Variants in ATAD3A observed in about 807,000 individuals in gnomAD.
ATAD3A encodes ATPase family AAA domain containing 3A, also known as ATPase family AAA domain-containing protein 3A.
A neutral mutation model predicts 73.8 loss-of-function variants in ATAD3A; 46 were observed. The ratio of observed to expected loss-of-function variants is 0.62; its 90% CI spans 0.49 to 0.80. The LOEUF (loss-of-function observed/expected upper bound fraction) is 0.80. Ranked by LOEUF, ATAD3A falls within the 30% of genes least tolerant of loss-of-function variation. The pLI, the probability that ATAD3A is intolerant of heterozygous loss-of-function variation, is 0.00. For missense variants in ATAD3A, 705 were observed against 838.0 expected, an observed-to-expected ratio of 0.84 and a Z score of 1.96; for synonymous variants, 319 against 350.0, an observed-to-expected ratio of 0.91 and a Z score of 0.99.
chr1:1,532,707 C>T (rs1204392048), intron 15 of ATAD3A, among the ~76,000 whole-genome samples: 1 of 152,186 alleles, frequency 6.6e-6, no homozygotes, highest in Non-Finnish European at 1.5e-5. Context: ...TCGGGTGGAC[C>T]CTGAGGGTCC....
intron 13 of ATAD3A, chr1:1,527,089 C>T: frequency 1.8e-6 from 2 of 1,122,948 alleles, no homozygotes; most frequent in East Asian, 5.9e-5. Flanking sequence ...GGTGACCGCC[C>T]CATGGCCAGG....
At chr1:1,529,123 G>T in intron 14 of ATAD3A, 100 bp from the exon 15 acceptor site, 1 of 1,527,012 alleles carries the variant, frequency 6.5e-7, no homozygotes, top group Non-Finnish European at 8.9e-7. Flanking sequence ...CAAAGAGGAT[G>T]TTTGGCGTGG....
chr1:1,526,321 G>C, intron 12 of ATAD3A, 140 bp from the exon 13 acceptor site: 1 of 1,520,504 alleles, frequency 6.6e-7, no homozygotes, highest in South Asian at 1.3e-5. Flanking sequence ...CCCTGGCCCT[G>C]GTCAGGCTTT....
chr1:1,521,430 A>G (rs1193330396), intron 7 of ATAD3A, among the ~76,000 whole-genome samples: 1 of 150,256 alleles, frequency 6.7e-6, no homozygotes, highest in East Asian at 2.0e-4. Context: ...TTAAAGCCTC[A>G]CTCTTTTGTG....
In ATAD3A at chr1:1,520,483, C is replaced by T. The variant is rs543916207; in HGVS notation, c.681-65C>T. On this transcript the variant is annotated intron_variant, in intron 6 of 15. Coordinates refer to ENST00000378756, the MANE Select transcript of ATAD3A (RefSeq NM_001170535.3). This position sits in a 1 kb window ranked among gnomAD's most constrained non-coding sequence, Gnocchi z 4.0. ...CGCCATGTCAGGGCCTCACCCTCAACCTGCTCTCGCTGCGTGGCACGGATC... is the reference window on the plus strand; with the variant it reads ...CGCCATGTCAGGGCCTCACCCTCAATCTGCTCTCGCTGCGTGGCACGGATC... 7 of 1,613,514 alleles carry T rather than the reference C, an allele frequency of 4.3e-6. No homozygotes were observed. The highest frequency in any genetic ancestry group is 2.2e-5 in the East Asian group (1 of 44,866).
intron 12 of ATAD3A, 120 bp downstream of exon 12, chr1:1,525,411 A>C: frequency 8.9e-7 from 1 of 1,127,278 alleles, no homozygotes; most frequent in Non-Finnish European, 1.2e-6. Flanking sequence ...TGTGAAAAAC[A>C]GCTTTTTTTT....
intron 14 of ATAD3A, 31 bp downstream of exon 14, chr1:1,527,893 A>C: frequency 2.9e-5 from 46 of 1,598,892 alleles, no homozygotes; most frequent in Non-Finnish European, 3.8e-5. Context: ...GCCCCCGTCC[A>C]GGGGCCCTCG....
chr1:1,534,512 C>A lies in ATAD3A; in HGVS notation c.*440C>A. 6.5e-6 allele frequency: 4 copies of A among 618,594 alleles called. No individual in the cohort carries two copies. The highest frequency in any genetic ancestry group is 9.1e-6 in the Non-Finnish European group (4 of 439,302). 38.3% of individuals were successfully genotyped at this position (618,594 alleles called of 1,614,324 possible). On this transcript the variant is annotated 3_prime_UTR_variant, in exon 16 of 16. Coordinates refer to ENST00000378756, the MANE Select transcript of ATAD3A (RefSeq NM_001170535.3). ...CCAGACCCAGGTGGGGCAGCCTGAA[C>A]CCTGCTTCCCCCTGTGGCCGGCATG...
chr1:1,530,645 C>T lies in ATAD3A; in HGVS notation c.1614+1314C>T, dbSNP rs1442585640. Among the ~76,000 whole-genome samples, 82 of 123,270 alleles carry T rather than the reference C, an allele frequency of 6.7e-4. 5 individuals carry two copies. Among genetic ancestry groups the T allele is most frequent in the Non-Finnish European group, 1.0e-3 (68 of 66,736 alleles). 80.9% of individuals were successfully genotyped at this position (123,270 alleles called of 152,430 possible). On this transcript the variant is annotated intron_variant, in intron 15 of 15. Coordinates refer to ENST00000378756, the MANE Select transcript of ATAD3A (RefSeq NM_001170535.3). ...GAGATCGAGACCATCCCGGCTAAAA[C>T]GGTGAAACCCCGTCTCTACTAAAAA...
rs529684857 is a variant in ATAD3A at position 1,518,809 on chromosome 1, C to T, written c.445-112C>T. On this transcript the variant is annotated intron_variant, in intron 4 of 15. Coordinates refer to ENST00000378756, the MANE Select transcript of ATAD3A (RefSeq NM_001170535.3). ...CCCGCAAACGGGCACCGTCACACCC[C>T]GCAAACGGGCACACTCACCCCCCTG... The T allele has an allele frequency of 6.2e-5, 99 of 1,596,766 alleles. 1 individual carries two copies. In the South Asian group the frequency reaches 7.0e-4, roughly 11 times the overall value.
chr1:1,521,655 C>T (rs1036629052), intron 7 of ATAD3A, among the ~76,000 whole-genome samples: 4 of 152,230 alleles, frequency 2.6e-5, no homozygotes, highest in East Asian at 1.9e-4. Context: ...TTGGTGAGAC[C>T]GTGTCACGTG....
At chr1:1,529,126 T>C in intron 14 of ATAD3A, 97 bp from the exon 15 acceptor site, 2 of 1,532,810 alleles carry the variant, frequency 1.3e-6, no homozygotes, top group Non-Finnish European at 1.8e-6. Context: ...AGAGGATGTT[T>C]GGCGTGGGTG....
Position 1,512,251 on chromosome 1 carries a change from G to A in ATAD3A, c.-18G>A, listed in dbSNP as rs1170388313. Reference sequence around the variant, plus strand: ...GGGTGGGGGTCCCGGCGGCGGTAGCGGCGGCGGCGGTGCGAGCATGTCGTG... The same window carrying A: ...GGGTGGGGGTCCCGGCGGCGGTAGCAGCGGCGGCGGTGCGAGCATGTCGTG... On this transcript the variant is annotated 5_prime_UTR_variant, in exon 1 of 16. Coordinates refer to ENST00000378756, the MANE Select transcript of ATAD3A (RefSeq NM_001170535.3). The A allele has an allele frequency of 3.9e-6, 5 of 1,268,530 alleles. No homozygotes were observed. In the South Asian group the frequency reaches 1.7e-4, roughly 44 times the overall value. The allele number at this position is 1,268,530 out of a possible 1,614,324, so 78.6% of individuals were successfully genotyped here. A position where few individuals can be genotyped will look rare whatever the true frequency, so the allele number is the denominator to read the frequency against.
chr1:1,520,010 G>T lies in ATAD3A; in HGVS notation c.515-131G>T. ...TGTCCATGGCGTGGGCCGGTCCGTG[G>T]CATGGGCCTGTCTGTGGCGTTGGTC... is the stretch of plus-strand genomic sequence containing the variant. On this transcript the variant is annotated intron_variant, in intron 5 of 15. Transcript: ENST00000378756. This position sits in a 1 kb window ranked among gnomAD's most constrained non-coding sequence, Gnocchi z 4.0. The T allele has an allele frequency of 7.3e-7, 1 of 1,368,208 alleles. No individual in the cohort carries two copies. The highest frequency in any genetic ancestry group is 2.6e-5 in the East Asian group (1 of 38,926). The allele number at this position is 1,368,208 out of a possible 1,614,324, so 84.8% of individuals were successfully genotyped here. A position where few individuals can be genotyped will look rare whatever the true frequency, so the allele number is the denominator to read the frequency against.
intron 1 of ATAD3A, among the ~76,000 whole-genome samples, chr1:1,514,448 C>T (rs982039293): frequency 5.3e-5 from 8 of 152,334 alleles, no homozygotes; most frequent in South Asian, 2.1e-4. Flanking sequence ...CAGCCAAACC[C>T]GTTGACCTGG....
intron 1 of ATAD3A, among the ~76,000 whole-genome samples, chr1:1,513,692 AC>A (rs1179424586): frequency 1.3e-5 from 2 of 151,762 alleles, no homozygotes; most frequent in Non-Finnish European, 2.9e-5. Context: ...TCCAGAGTTG[AC>A]TGCCCCCTTT....
At chr1:1,521,087 C>G (rs1156878719) in intron 7 of ATAD3A, among the ~76,000 whole-genome samples, 1 of 151,640 alleles carries the variant, frequency 6.6e-6, no homozygotes, top group Non-Finnish European at 1.5e-5. Flanking sequence ...ATCACGATAT[C>G]GGGATCGAGA....
At chr1:1,518,621 A>ACACCCCC (rs1553125091) in intron 4 of ATAD3A, among the ~76,000 whole-genome samples, 3 of 38,096 alleles carry the variant, frequency 7.9e-5, no homozygotes, top group African/African-American at 5.7e-4. Flanking sequence ...GGGCGTACAC[A>ACACCCCC]CCCCCCCCCA....
At chr1:1,513,631 T>G (rs141645514) in intron 1 of ATAD3A, among the ~76,000 whole-genome samples, 38 of 152,140 alleles carry the variant, frequency 2.5e-4, no homozygotes, top group Non-Finnish European at 2.2e-4. Context: ...TCTTTCATTC[T>G]GATCCCTTCC....
Sources: allele counts gnomAD v4.1 joint callset (sites outside exome capture counted in the v4.1 genomes callset), GRCh38; gene constraint gnomAD v4.1.1; non-coding constraint Gnocchi (gnomAD v3.1); transcripts MANE v1.5; gene names NCBI Gene and HGNC (gene_info 2026-07-23, HGNC 2026-07-21).